The following LRRK1 variants were observed in gnomAD, a reference collection of about 807,000 sequenced individuals.
LRRK1 encodes the protein leucine-rich repeat serine/threonine-protein kinase 1.
In LRRK1, 113 loss-of-function variants were observed where a neutral mutation model predicts 209.1. The ratio of observed to expected loss-of-function variants is 0.54; its 90% CI spans 0.46 to 0.63. The LOEUF is 0.63. Ranked by LOEUF, LRRK1 falls within the 30% of genes least tolerant of loss-of-function variation. The pLI is 0.00. For synonymous variants in LRRK1, 1,144 were observed against 1,099.7 expected (o/e 1.04, Z -0.80); for missense variants, 2,284 against 2,632.2 (o/e 0.87, Z 2.89).
rs142115904 is a variant in LRRK1, at chr15:100,966,766, C to T, written c.98-7038C>T. Among the ~76,000 whole-genome samples the T allele has an allele frequency of 1.1e-4, 17 of 152,310 alleles. 1 individual carries two copies. In the East Asian group the frequency reaches 3.3e-3, roughly 29 times the overall value. On this transcript the variant is annotated intron_variant, in intron 2 of 33. Coordinates refer to ENST00000388948, the MANE Select transcript of LRRK1 (RefSeq NM_024652.6). ...GAGTCGAAACAGATAAACACCACAACATTTTTATAATGTAAAGAAAACTGA... is the reference window on the plus strand; with the variant it reads ...GAGTCGAAACAGATAAACACCACAATATTTTTATAATGTAAAGAAAACTGA...
chr15:100,969,640 T>C (rs2030727363), intron 2 of LRRK1, among the ~76,000 whole-genome samples: 1 of 152,198 alleles, frequency 6.6e-6, no homozygotes, highest in Non-Finnish European at 1.5e-5. Flanking sequence ...TTCCTTATGC[T>C]CTTTCCCCAC....
intron 2 of LRRK1, among the ~76,000 whole-genome samples, chr15:100,948,377 T>C (rs7170683): frequency 0.52 from 78,934 of 152,022 alleles, 20,685 homozygotes; most frequent in African/African-American, 0.6. Flanking sequence ...ATGTGACTTA[T>C]GAATGCACGG....
At chr15:100,998,898 G>A (rs1361285986) in intron 6 of LRRK1, among the ~76,000 whole-genome samples, 1 of 152,154 alleles carries the variant, frequency 6.6e-6, no homozygotes, top group Non-Finnish European at 1.5e-5. Flanking sequence ...GTGGGTGGGT[G>A]GATAGATGGA....
At chr15:100,934,839 C>T (rs571198107) in intron 2 of LRRK1, among the ~76,000 whole-genome samples, 16 of 145,098 alleles carry the variant, frequency 1.1e-4, no homozygotes, top group African/African-American at 3.8e-4. Context: ...AAGAAGAAAA[C>T]CAGAGAGTGA....
rs1324857590 is a variant in LRRK1 at position 101,051,966 on chromosome 15, C to G, written c.3689+6C>G. 6.2e-7 allele frequency: 1 copy of G among 1,611,306 alleles called. No individual in the cohort carries two copies. The highest frequency in any genetic ancestry group is 1.7e-5 in the Admixed American group (1 of 59,950). On this transcript the variant is annotated splice_donor_region_variant and intron_variant, in intron 24 of 33. Transcript: ENST00000388948. Reference sequence around the variant, plus strand: ...ATGACCGACTTCCCGGCCAGGTATGCCCCGAAGGCCCCTCCCAGAACACAG... The same window carrying G: ...ATGACCGACTTCCCGGCCAGGTATGGCCCGAAGGCCCCTCCCAGAACACAG...
chr15:100,973,112 G>A (rs926733040), intron 2 of LRRK1, among the ~76,000 whole-genome samples: 2 of 152,228 alleles, frequency 1.3e-5, no homozygotes, highest in African/African-American at 4.8e-5. Flanking sequence ...GCCTGCCGTG[G>A]CCGCCCCGTG....
At chr15:101,010,623 G>GTAGGGA in intron 8 of LRRK1, 46 bp downstream of exon 8, 1 of 1,595,830 alleles carries the variant, frequency 6.3e-7, no homozygotes, top group Non-Finnish European at 8.5e-7. Flanking sequence ...TTTCTTCTTG[G>GTAGGGA]TAGGGATATT....
intron 29 of LRRK1, among the ~76,000 whole-genome samples, chr15:101,060,136 G>C (rs974266390): frequency 2.6e-5 from 4 of 152,194 alleles, no homozygotes; most frequent in Non-Finnish European, 4.4e-5. Flanking sequence ...GGAGGGGGCT[G>C]GCTGGGAGCA....
At chr15:100,937,211 T>C (rs1212631520) in intron 2 of LRRK1, among the ~76,000 whole-genome samples, 1 of 152,242 alleles carries the variant, frequency 6.6e-6, no homozygotes, top group African/African-American at 2.4e-5. Flanking sequence ...TTAAAATATA[T>C]TTTTAAACTA....
intron 1 of LRRK1, among the ~76,000 whole-genome samples, chr15:100,922,214 G>A (rs2042032970): frequency 6.6e-6 from 1 of 152,184 alleles, no homozygotes; most frequent in Non-Finnish European, 1.5e-5. Flanking sequence ...GGACCCAAAA[G>A]AAGCAGGAGG....
intron 4 of LRRK1, among the ~76,000 whole-genome samples, chr15:100,984,235 C>G (rs2031752241): frequency 6.6e-6 from 1 of 152,174 alleles, no homozygotes; most frequent in South Asian, 2.1e-4. Context: ...CACTGTGCGC[C>G]CTCCACATGG....
At position 101,071,232 on chromosome 15, in the gene LRRK1, A is replaced by G. The variant is rs116954746; in HGVS notation, c.*2384A>G. On this transcript the variant is annotated 3_prime_UTR_variant, in exon 34 of 34. Transcript: ENST00000388948. ...GGGGGGCACCCTGAGGACCCTGTCAACATCAGCTGGACCACAGGCATCTCA... is the reference window on the plus strand; with the variant it reads ...GGGGGGCACCCTGAGGACCCTGTCAGCATCAGCTGGACCACAGGCATCTCA... 3,238 of 152,454 alleles carry G rather than the reference A, an allele frequency of 0.021. 75 individuals carry two copies. The highest frequency in any genetic ancestry group is 0.068 in the South Asian group (330 of 4,822). 9.4% of individuals were successfully genotyped at this position (152,454 alleles called of 1,614,324 possible).
intron 24 of LRRK1, among the ~76,000 whole-genome samples, chr15:101,052,180 T>A (rs1158339703): frequency 6.6e-6 from 1 of 152,232 alleles, no homozygotes; most frequent in African/African-American, 2.4e-5. Context: ...TAGGCCCAAC[T>A]GGGAAGAGTG....
At chr15:101,060,388 A>AT (rs2036093874) in intron 29 of LRRK1, among the ~76,000 whole-genome samples, 1 of 152,164 alleles carries the variant, frequency 6.6e-6, no homozygotes, top group Non-Finnish European at 1.5e-5. Flanking sequence ...TTTCTGATGC[A>AT]TAAAAAAATG....
intron 2 of LRRK1, among the ~76,000 whole-genome samples, chr15:100,926,680 C>CTTTTTTTTTTT (rs71151990): frequency 2.6e-4 from 21 of 81,834 alleles, no homozygotes; most frequent in South Asian, 9.1e-4. Context: ...TTCTTTTTTT[C>CTTTTTTTTTTT]TTTTTTTTTT....
At chr15:100,973,399 A>T (rs1337948341) in intron 2 of LRRK1, among the ~76,000 whole-genome samples, 1 of 152,080 alleles carries the variant, frequency 6.6e-6, no homozygotes, top group African/African-American at 2.4e-5. Flanking sequence ...CACCCCCGGG[A>T]GGTGGCCTGT....
In LRRK1 at chr15:100,925,004, G is replaced by T. The variant is rs566097510; in HGVS notation, c.97+275G>T. Among the ~76,000 whole-genome samples the T allele has an allele frequency of 1.2e-3, 175 of 151,988 alleles. 1 individual carries two copies. The highest frequency in any genetic ancestry group is 4.1e-3 in the African/African-American group (170 of 41,434). On this transcript the variant is annotated intron_variant, in intron 2 of 33. Transcript: ENST00000388948. The stretch of plus-strand genomic sequence containing the variant: ...CTTTTAAGAAAAAGGATGTAGTTTT[G>T]TTTTTTCATTATAAAAATAATACAT...
At position 101,027,206 on chromosome 15, in the gene LRRK1, C is replaced by G; in HGVS notation, c.2406-55C>G. On this transcript the variant is annotated intron_variant, in intron 17 of 33. Transcript: ENST00000388948. The surrounding 1 kb of genome is among the most constrained non-coding windows in gnomAD (Gnocchi z 5.1). ...ACCTCTCAGGGAAACAGAGAAGCAG[C>G]AGCGCTTCCTCGGAGTGGGGCATGA... 1 of 1,599,710 alleles carries G rather than the reference C, an allele frequency of 6.3e-7. No homozygotes were observed. Among genetic ancestry groups the G allele is most frequent in the Non-Finnish European group, 8.5e-7 (1 of 1,171,638 alleles).
At chr15:100,941,874 G>A (rs1160505846) in intron 2 of LRRK1, among the ~76,000 whole-genome samples, 1 of 152,130 alleles carries the variant, frequency 6.6e-6, no homozygotes, top group African/African-American at 2.4e-5. Flanking sequence ...CAGATCCACA[G>A]GAGTCTGCCC....
Sources: gnomAD v4.1 joint callset for allele counts (sites outside exome capture counted in the v4.1 genomes callset) on GRCh38, gnomAD v4.1.1 for gene constraint, Gnocchi (gnomAD v3.1) non-coding constraint, MANE v1.5 for transcripts, NCBI Gene and HGNC (gene_info 2026-07-23, HGNC 2026-07-21) for gene names.